Variants in ADAMTS9 observed in about 807,000 individuals in gnomAD.
ADAMTS9 encodes ADAM metallopeptidase with thrombospondin type 1 motif 9, also known as A disintegrin and metalloproteinase with thrombospondin motifs 9.
In ADAMTS9, 107 loss-of-function variants were observed where a neutral mutation model predicts 257.1. That is an observed-to-expected ratio of 0.42 (90% CI 0.36 to 0.49). ADAMTS9 has a LOEUF of 0.49. Among genes scored for constraint, ADAMTS9 ranks in the 20% least tolerant of loss-of-function variants. The probability of loss-of-function intolerance (pLI) is 0.03; values close to 1 mark genes in which losing one functional copy is unlikely to be tolerated. For missense variants in ADAMTS9, 2,353 were observed against 2,469.1 expected (o/e 0.95, Z 1.00); for synonymous variants, 982 against 880.9 (o/e 1.11, Z -2.03).
intron 23 of ADAMTS9, among the ~76,000 whole-genome samples, chr3:64,604,863 A>G (rs1039921344): frequency 6.6e-6 from 1 of 152,210 alleles, no homozygotes. Context: ...ACACCCCTCA[A>G]TCATGCAGAC....
At chr3:64,531,667 A>C (rs1298493163) in intron 38 of ADAMTS9, among the ~76,000 whole-genome samples, 1 of 152,134 alleles carries the variant, frequency 6.6e-6, no homozygotes, top group Non-Finnish European at 1.5e-5. Context: ...GGGTCTCACC[A>C]CCTTGCCCAG....
At chr3:64,546,693 G>A in intron 32 of ADAMTS9, 65 bp downstream of exon 32, 1 of 1,486,474 alleles carries the variant, frequency 6.7e-7, no homozygotes, top group Non-Finnish European at 9.1e-7. Context: ...GGTTAGGCAG[G>A]ACATGTTTAA....
In ADAMTS9 at chr3:64,601,992, G is replaced by A; in HGVS notation, c.3969C>T (p.Arg1323=). 8.1e-6 allele frequency: 13 copies of A among 1,613,906 alleles called. No individual in the cohort carries two copies. The highest frequency in any genetic ancestry group is 1.1e-5 in the Non-Finnish European group (13 of 1,179,884). The part of the protein sequence containing the change: ...DYRPRSASPS[R]THVLGGNQWR... ...ACTGGTTTCCACCGAGCACATGGGT[G>A]CGGCTGGGGCTGGCGCTCCGGGGAC... Residue 1323 remains arginine (R), a synonymous_variant, in exon 26 of 40, where the codon CGC becomes CGT. Coordinates refer to ENST00000498707, the MANE Select transcript of ADAMTS9 (RefSeq NM_182920.2).
intron 38 of ADAMTS9, among the ~76,000 whole-genome samples, chr3:64,528,435 T>G (rs1375428951): frequency 1.3e-5 from 2 of 152,194 alleles, no homozygotes; most frequent in African/African-American, 4.8e-5. Flanking sequence ...TCTGTCTGTC[T>G]GTCCCTCATG....
In ADAMTS9 at chr3:64,516,447, A is replaced by T. The variant is rs77234897; in HGVS notation, c.*680T>A. ...GAGCTGGTCTTATTTCATCCAAGTG[A>T]TTCTGTGCACTGGAAATTGTCCTTC... On this transcript the variant is annotated 3_prime_UTR_variant, in exon 40 of 40. Coordinates refer to ENST00000498707, the MANE Select transcript of ADAMTS9 (RefSeq NM_182920.2). The T allele has an allele frequency of 0.01, 1,563 of 152,748 alleles. 56 individuals carry two copies. Among genetic ancestry groups the T allele is most frequent in the East Asian group, 0.068 (352 of 5,178 alleles). The allele number at this position is 152,748 out of a possible 1,614,324, so 9.5% of individuals were successfully genotyped here.
At chr3:64,562,674 A>AT in intron 29 of ADAMTS9, among the ~76,000 whole-genome samples, 1 of 152,144 alleles carries the variant, frequency 6.6e-6, no homozygotes, top group Non-Finnish European at 1.5e-5. Context: ...CTCAGCCTCC[A>AT]TTTTTTGGTC....
chr3:64,670,483 TG>T, intron 3 of ADAMTS9, among the ~76,000 whole-genome samples: 1 of 152,258 alleles, frequency 6.6e-6, no homozygotes, highest in East Asian at 1.9e-4. Context: ...TATGTAGTTC[TG>T]GGACTGCATG....
intron 12 of ADAMTS9, among the ~76,000 whole-genome samples, chr3:64,637,874 T>G (rs1263459371): frequency 6.6e-6 from 1 of 152,212 alleles, no homozygotes. Flanking sequence ...CTGGATTCTT[T>G]TACTTATTCA....
At chr3:64,680,829 C>T (rs1391214715) in intron 3 of ADAMTS9, among the ~76,000 whole-genome samples, 1 of 149,824 alleles carries the variant, frequency 6.7e-6, no homozygotes, top group African/African-American at 2.5e-5. Context: ...CAGAAGATGC[C>T]AAAAAAAAAT....
intron 12 of ADAMTS9, among the ~76,000 whole-genome samples, chr3:64,636,860 A>G (rs1326156821): frequency 1.3e-5 from 2 of 152,166 alleles, no homozygotes; most frequent in African/African-American, 2.4e-5. Context: ...AGTATTTACT[A>G]TTTGGCCCTG....
intron 19 of ADAMTS9, among the ~76,000 whole-genome samples, chr3:64,620,484 C>T (rs992149391): frequency 6.6e-6 from 1 of 151,282 alleles, no homozygotes; most frequent in African/African-American, 2.5e-5. Flanking sequence ...GTATAAAATG[C>T]AAGCCCCGAC....
intron 30 of ADAMTS9, among the ~76,000 whole-genome samples, chr3:64,555,274 A>G (rs2083318870): frequency 6.6e-6 from 1 of 152,192 alleles, no homozygotes. Flanking sequence ...GGTATACAGA[A>G]TTTAGACATT....
chr3:64,612,444 T>C (rs902142928), intron 22 of ADAMTS9, among the ~76,000 whole-genome samples: 84 of 152,312 alleles, frequency 5.5e-4, no homozygotes, highest in African/African-American at 1.9e-3. Flanking sequence ...ATTTGGACTG[T>C]GGATGCTATG....
At chr3:64,568,605 T>G (rs1408026665) in intron 28 of ADAMTS9, 70 bp from the exon 29 acceptor site, 1 of 1,569,574 alleles carries the variant, frequency 6.4e-7, no homozygotes, top group Non-Finnish European at 8.7e-7. Context: ...AAAACCTGCG[T>G]CTTGAGATGT....
In ADAMTS9 at chr3:64,541,825, T is replaced by C. The variant is rs74534712; in HGVS notation, c.5197+13A>G. On this transcript the variant is annotated intron_variant, in intron 33 of 39. Transcript: ENST00000498707. ...TCATGCTAAAGAAAGATAACTTCAG[T>C]TGGCCAACTTACAGTTATAGACATT... 12,738 of 1,614,026 alleles carry C rather than the reference T, an allele frequency of 7.9e-3. 481 individuals are homozygous for C. The East Asian group carries it at 0.083, about 10-fold the overall frequency.
At position 64,597,292 on chromosome 3, in the gene ADAMTS9, C is replaced by A. The variant is rs142886572; in HGVS notation, c.4018-301G>T. 1.8e-3 allele frequency among the ~76,000 whole-genome samples: 267 copies of A among 152,284 alleles called. 2 individuals carry two copies. Among genetic ancestry groups the A allele is most frequent in the Middle Eastern group, 6.8e-3 (2 of 294 alleles). On this transcript the variant is annotated intron_variant, in intron 26 of 39. Transcript: ENST00000498707. ...AAAGCAGGCCACTTACTGTCTTTAT[C>A]CCCTCTGCATCTCTAAGAGGTACAG...
intron 38 of ADAMTS9, among the ~76,000 whole-genome samples, chr3:64,529,575 G>C (rs371763995): frequency 2.4e-3 from 358 of 152,298 alleles, no homozygotes; most frequent in African/African-American, 8.2e-3. Context: ...GGCCCTCGGG[G>C]GCCAGATCGT....
chr3:64,663,102 G>A (rs573307328), intron 3 of ADAMTS9, among the ~76,000 whole-genome samples: 132 of 152,176 alleles, frequency 8.7e-4, no homozygotes, highest in African/African-American at 3.1e-3. Context: ...CAGAGATGGA[G>A]TGGGGAGATG....
At chr3:64,533,703 C>T (rs1236621994) in intron 37 of ADAMTS9, among the ~76,000 whole-genome samples, 1 of 152,190 alleles carries the variant, frequency 6.6e-6, no homozygotes, top group African/African-American at 2.4e-5. Flanking sequence ...TGCCAAGCTT[C>T]CTGGGCTTCC....
Sources: gnomAD v4.1 joint callset for allele counts (sites outside exome capture counted in the v4.1 genomes callset) on GRCh38, gnomAD v4.1.1 for gene constraint, MANE v1.5 for transcripts, NCBI Gene and HGNC (gene_info 2026-07-23, HGNC 2026-07-21) for gene names.